AKR1E2: variants seen among roughly 807,000 people sequenced by gnomAD.
AKR1E2 encodes the protein aldo-keto reductase family 1 member E2.
In AKR1E2, 43 loss-of-function variants were observed where a neutral mutation model predicts 41.9. The observed-to-expected ratio is 1.03, with a 90% CI of 0.80 to 1.32. The LOEUF (loss-of-function observed/expected upper bound fraction) is 1.32, where lower values mean the gene tolerates loss of function less well. AKR1E2 is among the 40% of genes most tolerant of loss of function. The pLI is 0.00. For missense variants in AKR1E2, 423 were observed against 396.5 expected (o/e 1.07, Z -0.57); for synonymous variants, 121 against 138.9 (o/e 0.87, Z 0.91).
chr10:4,869,592 T>G, the AKR1E2 span, among the ~76,000 whole-genome samples: 4 of 152,066 alleles, frequency 2.6e-5, no homozygotes, highest in Non-Finnish European at 5.9e-5. Flanking sequence ...CTTTTCTAGG[T>G]TCTTGAGATA....
chr10:4,867,345 C>T, the AKR1E2 span, among the ~76,000 whole-genome samples: 566 of 152,296 alleles, frequency 3.7e-3, 5 homozygotes, highest in African/African-American at 0.013. Context: ...TACAATTTTT[C>T]ACACATTCAC....
the AKR1E2 span, among the ~76,000 whole-genome samples, chr10:4,860,929 C>T: frequency 2.0e-5 from 3 of 152,152 alleles, no homozygotes; most frequent in East Asian, 1.9e-4. Flanking sequence ...TGCTTCGATG[C>T]ACATAGGGGA....
At chr10:4,859,404 A>G in the AKR1E2 span, among the ~76,000 whole-genome samples, 2 of 152,206 alleles carry the variant, frequency 1.3e-5, no homozygotes, top group Non-Finnish European at 2.9e-5. Flanking sequence ...ATGGCACAGG[A>G]TATACTGGAT....
rs1438852883 is a variant in AKR1E2, at chr10:4,841,828, G to A, written c.724G>A (p.Ala242Thr). 6 of 1,613,536 alleles carry A rather than the reference G, an allele frequency of 3.7e-6. No homozygotes were observed. The African/African-American group carries it at 4.0e-5, about 11-fold the overall frequency. The change falls in exon 7 of 10, where the codon GCA (alanine) becomes ACA (threonine). Residue 242 changes from alanine (A) to threonine (T), a missense_variant. Physicochemically the swap from Ala to Thr is moderately conservative, Grantham distance 58. Transcript: ENST00000298375. ...LIDNPVIKRI[A>T]KEHGKSPAQI... ...AGACAACCCTGTGATCAAGAGGATT[G>A]CAAAGGAGCACGGCAAGTCTCCTGC...
intron 5 of AKR1E2, 31 bp downstream of exon 5, chr10:4,837,612 C>T (rs1564265982): frequency 6.3e-7 from 1 of 1,596,878 alleles, no homozygotes; most frequent in Non-Finnish European, 8.6e-7. Context: ...GAGAGTTTAA[C>T]CTGTGTGGCT....
At chr10:4,852,971 G>C (rs552821906), downstream of AKR1E2, among the ~76,000 whole-genome samples, 1 of 152,168 alleles carries the variant, frequency 6.6e-6, no homozygotes, top group Non-Finnish European at 1.5e-5. Flanking sequence ...AGGTTGTGGG[G>C]CTATGTCTTA....
chr10:4,830,487 G>A (rs1390829554), intron 1 of AKR1E2, among the ~76,000 whole-genome samples, 188 bp from the exon 2 acceptor site: 1 of 152,086 alleles, frequency 6.6e-6, no homozygotes. Flanking sequence ...ATGTAAAGGA[G>A]TTGGAACTTA....
At chr10:4,847,054 C>G in intron 8 of AKR1E2, 94 bp from the exon 9 acceptor site, 2 of 1,341,524 alleles carry the variant, frequency 1.5e-6, no homozygotes, top group Non-Finnish European at 2.1e-6. Flanking sequence ...CTTTGTGTCC[C>G]TTGCAGGTCT....
downstream of AKR1E2, among the ~76,000 whole-genome samples, chr10:4,852,751 C>T (rs1380482697): frequency 6.6e-6 from 1 of 152,076 alleles, no homozygotes; most frequent in Non-Finnish European, 1.5e-5. Flanking sequence ...TGTTTTTGTT[C>T]TAAAAATATT....
At chr10:4,834,689 C>T (rs1833261938) in intron 3 of AKR1E2, among the ~76,000 whole-genome samples, 1 of 152,222 alleles carries the variant, frequency 6.6e-6, no homozygotes, top group Admixed American at 6.5e-5. Context: ...AGCCCAGAAG[C>T]ATATGCTCAG....
chr10:4,826,704 G>T (rs1308178602), intron 1 of AKR1E2, among the ~76,000 whole-genome samples: 1 of 152,212 alleles, frequency 6.6e-6, no homozygotes, highest in East Asian at 1.9e-4. Flanking sequence ...CTGGAGCGGG[G>T]ATGCCGAGGG....
At chr10:4,827,630 T>A (rs191651893) in intron 1 of AKR1E2, among the ~76,000 whole-genome samples, 7 of 152,288 alleles carry the variant, frequency 4.6e-5, no homozygotes, top group Admixed American at 1.3e-4. Context: ...AACTTAGTTG[T>A]TGATAAAAGC....
chr10:4,830,656 T>G lies in AKR1E2; in HGVS notation c.40-19T>G. Reference sequence around the variant, plus strand: ...TTCCTCTGACTGTGAGAAGACACTTTGTTTTGTTGGTTTTGCAGGCTTCTC... The same window carrying G: ...TTCCTCTGACTGTGAGAAGACACTTGGTTTTGTTGGTTTTGCAGGCTTCTC... On this transcript the variant is annotated intron_variant, in intron 1 of 9. Transcript: ENST00000298375. The G allele has an allele frequency of 2.5e-6, 4 of 1,612,696 alleles. No individual in the cohort carries two copies. Among genetic ancestry groups the G allele is most frequent in the Non-Finnish European group, 3.4e-6 (4 of 1,178,864 alleles).
At chr10:4,826,475 G>C (rs902800358) in intron 1 of AKR1E2, 112 bp downstream of exon 1, 1 of 1,009,834 alleles carries the variant, frequency 9.9e-7, no homozygotes, top group Admixed American at 4.3e-5. Flanking sequence ...CCTCCCCTCC[G>C]CCTGGCCGAC....
chr10:4,832,308 T>A (rs1468852796), intron 2 of AKR1E2, among the ~76,000 whole-genome samples: 1 of 152,222 alleles, frequency 6.6e-6, no homozygotes. Flanking sequence ...GTTTCTATAG[T>A]TGAATTGCCT....
chr10:4,833,229 A>T (rs1176790578), intron 2 of AKR1E2, 121 bp from the exon 3 acceptor site: 1 of 755,226 alleles, frequency 1.3e-6, no homozygotes, highest in African/African-American at 1.7e-5. Flanking sequence ...GCCGTGTTGT[A>T]TTTGTGGTCA....
intron 3 of AKR1E2, among the ~76,000 whole-genome samples, chr10:4,834,428 A>G (rs980348712): frequency 1.3e-5 from 2 of 152,282 alleles, no homozygotes; most frequent in African/African-American, 2.4e-5. Context: ...GGGCAAAACC[A>G]GAGTGATGTC....
the AKR1E2 span, among the ~76,000 whole-genome samples, chr10:4,854,236 GGT>G: frequency 6.6e-6 from 1 of 151,940 alleles, no homozygotes; most frequent in South Asian, 2.1e-4. Flanking sequence ...TGGGACTACA[GGT>G]GCATGCCACC....
chr10:4,858,845 A>G, the AKR1E2 span, among the ~76,000 whole-genome samples: 2,642 of 130,500 alleles, frequency 0.02, 64 homozygotes, highest in African/African-American at 0.07. Flanking sequence ...TTTTTTTGAG[A>G]TGGAGTCTCA....
Sources: gnomAD v4.1 joint callset for allele counts (sites outside exome capture counted in the v4.1 genomes callset) on GRCh38, gnomAD v4.1.1 for gene constraint, MANE v1.5 for transcripts, NCBI Gene and HGNC (gene_info 2026-07-23, HGNC 2026-07-21) for gene names.